MCM9: variants seen among roughly 807,000 people sequenced by gnomAD.
MCM9 encodes minichromosome maintenance 9 homologous recombination repair factor, also known as DNA helicase MCM9.
Under a neutral mutation model 72.8 loss-of-function variants are expected in MCM9, and 55 were observed. The ratio of observed to expected loss-of-function variants is 0.76; its 90% CI spans 0.61 to 0.95. MCM9 has a LOEUF of 0.95. MCM9 is among the 40% of genes least tolerant of loss of function. The pLI is 0.00. For synonymous variants in MCM9, 480 were observed against 503.4 expected, an observed-to-expected ratio of 0.95 and a Z score of 0.62; for missense variants, 1,279 against 1,377.0, an observed-to-expected ratio of 0.93 and a Z score of 1.13.
intron 10 of MCM9, 133 bp downstream of exon 10, chr6:118,828,911 TTCTG>T (rs1355528734): frequency 1.1e-6 from 1 of 900,952 alleles, no homozygotes; most frequent in East Asian, 2.7e-5. Context: ...TCTCACTGCT[TTCTG>T]TCTAAGCTTT....
intron 9 of MCM9, among the ~76,000 whole-genome samples, chr6:118,835,984 T>A (rs188101699): frequency 1.3e-5 from 2 of 152,160 alleles, no homozygotes; most frequent in African/African-American, 4.8e-5. Context: ...GGCTGTGGGT[T>A]TGTCATAAAT....
chr6:118,932,230 C>G (rs1215306563), intron 2 of MCM9, among the ~76,000 whole-genome samples: 1 of 152,182 alleles, frequency 6.6e-6, no homozygotes, highest in African/African-American at 2.4e-5. Context: ...GAGCAACAGG[C>G]TATGCCATAT....
chr6:118,903,489 C>G (rs1779945284), intron 8 of MCM9, among the ~76,000 whole-genome samples: 1 of 151,746 alleles, frequency 6.6e-6, no homozygotes, highest in African/African-American at 2.4e-5. Context: ...CTGGATAAAG[C>G]ATAGCATCTA....
In MCM9 at chr6:118,911,254, T is replaced by C. The variant is rs1019780031; in HGVS notation, c.1150+396A>G. 2.3e-5 allele frequency: 23 copies of C among 988,542 alleles called. No individual in the cohort carries two copies. In the African/African-American group the frequency reaches 4.0e-4, roughly 17 times the overall value. 61.2% of individuals were successfully genotyped at this position (988,542 alleles called of 1,614,324 possible). On this transcript the variant is annotated intron_variant, in intron 8 of 13. Transcript: ENST00000619706. Reference sequence around the variant, plus strand: ...TTTCAGTAGGAGCTACTGTTGCCTATCAGATTTATGAGCATGAAAATGCCT... The same window carrying C: ...TTTCAGTAGGAGCTACTGTTGCCTACCAGATTTATGAGCATGAAAATGCCT...
rs143001772 is a variant in MCM9, at chr6:118,905,908, C to T, written c.1150+5742G>A. Reference sequence around the variant, plus strand: ...GTTGCTATTGCAATTTCATAGTATACTATTAAAATGGCTTTGAGATAAAAT... The same window carrying T: ...GTTGCTATTGCAATTTCATAGTATATTATTAAAATGGCTTTGAGATAAAAT... On this transcript the variant is annotated intron_variant, in intron 8 of 13. Transcript: ENST00000619706. The T allele has an allele frequency of 7.9e-4, 846 of 1,068,366 alleles. 8 individuals are homozygous for T. The African/African-American group carries it at 0.012, about 16-fold the overall frequency. The allele number at this position is 1,068,366 out of a possible 1,614,324, so 66.2% of individuals were successfully genotyped here. A position where few individuals can be genotyped will look rare whatever the true frequency, so the allele number is the denominator to read the frequency against.
At chr6:118,823,614 G>A (rs1773963462) in intron 13 of MCM9, among the ~76,000 whole-genome samples, 1 of 152,128 alleles carries the variant, frequency 6.6e-6, no homozygotes, top group Non-Finnish European at 1.5e-5. Context: ...TTCCTAATAA[G>A]GATTGTAGTT....
Position 118,840,019 on chromosome 6 carries a change from A to C in MCM9, c.1326-10769T>G, listed in dbSNP as rs1284922708. On this transcript the variant is annotated intron_variant, in intron 9 of 13. Coordinates refer to ENST00000619706, the MANE Select transcript of MCM9 (RefSeq NM_017696.3). The stretch of plus-strand genomic sequence containing the variant: ...GTTTAAGCCTGCTGAAGCTGTGCCC[A>C]CAGCTGCCCCTTCCCCCAGGTGCTC... Among the ~76,000 whole-genome samples the C allele has an allele frequency of 2.0e-5, 3 of 152,164 alleles. 1 individual carries two copies. Among genetic ancestry groups the C allele is most frequent in the Non-Finnish European group, 4.4e-5 (3 of 68,016 alleles).
At chr6:118,861,283 G>C (rs1776888205) in intron 8 of MCM9, among the ~76,000 whole-genome samples, 1 of 152,240 alleles carries the variant, frequency 6.6e-6, no homozygotes, top group South Asian at 2.1e-4. Context: ...GCCCCAAAGA[G>C]GGTGTTAAAG....
At chr6:118,916,363 C>G (rs1280159438) in intron 6 of MCM9, among the ~76,000 whole-genome samples, 1 of 147,348 alleles carries the variant, frequency 6.8e-6, no homozygotes, top group Non-Finnish European at 1.5e-5. Flanking sequence ...TTTACACACA[C>G]ACACAAAAAA....
intron 1 of MCM9, among the ~76,000 whole-genome samples, chr6:118,933,075 G>C (rs1220073271): frequency 1.3e-5 from 2 of 152,128 alleles, no homozygotes; most frequent in African/African-American, 4.8e-5. Flanking sequence ...CAAATAAAAC[G>C]AAACAGTGCA....
At chr6:118,824,435 A>T (rs1313960508) in intron 13 of MCM9, among the ~76,000 whole-genome samples, 1 of 150,868 alleles carries the variant, frequency 6.6e-6, no homozygotes, top group African/African-American at 2.5e-5. Context: ...CAGCCTCCCG[A>T]GTAGCTGGAA....
intron 8 of MCM9, among the ~76,000 whole-genome samples, chr6:118,906,896 T>C (rs1232025780): frequency 6.6e-6 from 1 of 152,172 alleles, no homozygotes; most frequent in Non-Finnish European, 1.5e-5. Context: ...GTACCTTCCA[T>C]TGATCCAATT....
intron 9 of MCM9, among the ~76,000 whole-genome samples, chr6:118,846,309 T>C (rs1302892624): frequency 6.6e-6 from 1 of 151,588 alleles, no homozygotes; most frequent in Non-Finnish European, 1.5e-5. Context: ...TATATATAAA[T>C]AGAGAAATAA....
rs779115331 is a variant in MCM9 at position 118,815,253 on chromosome 6, G to A, written c.3003C>T (p.His1001=). 2.0e-5 allele frequency: 31 copies of A among 1,550,518 alleles called. No homozygotes were observed. Among genetic ancestry groups the A allele is most frequent in the African/African-American group, 8.2e-5 (6 of 72,998 alleles). The change falls in exon 14 of 14, where the codon CAC becomes CAT. Residue 1001 remains histidine, a synonymous_variant. Coordinates refer to ENST00000619706, the MANE Select transcript of MCM9 (RefSeq NM_017696.3). ...CACACATCACCTTCTCTCTTGGTCCGTGTTTCTCTGGTGGCTGCTGCGACA... is the reference window on the plus strand; with the variant it reads ...CACACATCACCTTCTCTCTTGGTCCATGTTTCTCTGGTGGCTGCTGCGACA... ...KEVSQQPPEK[H]GPREKVMCAP...
chr6:118,882,908 G>A (rs925079527), intron 8 of MCM9, among the ~76,000 whole-genome samples: 3 of 151,928 alleles, frequency 2.0e-5, no homozygotes, highest in African/African-American at 7.3e-5. Flanking sequence ...TAAAATATCC[G>A]GTTTTTAACA....
intron 13 of MCM9, among the ~76,000 whole-genome samples, chr6:118,824,133 C>A (rs1226358237): frequency 6.7e-6 from 1 of 148,464 alleles, no homozygotes; most frequent in Non-Finnish European, 1.5e-5. Flanking sequence ...CTCACTGAAA[C>A]CTCTGCCCCC....
At position 118,813,507 on chromosome 6, in the gene MCM9, T is replaced by C. The variant is rs1354946566; in HGVS notation, c.*1317A>G. 3 of 152,216 alleles carry C rather than the reference T, an allele frequency of 2.0e-5. No individual in the cohort carries two copies. Among genetic ancestry groups the C allele is most frequent in the Admixed American group, 6.5e-5 (1 of 15,274 alleles). 9.4% of individuals were successfully genotyped at this position (152,216 alleles called of 1,614,324 possible). On this transcript the variant is annotated 3_prime_UTR_variant, in exon 14 of 14. Coordinates refer to ENST00000619706, the MANE Select transcript of MCM9 (RefSeq NM_017696.3). ...GTGAATTTTAGAACGTTTAAATGCT[T>C]AAGAAAAATTGGATTTTCTAAATTT...
chr6:118,903,206 A>G (rs977788410), intron 8 of MCM9, among the ~76,000 whole-genome samples: 1 of 152,208 alleles, frequency 6.6e-6, no homozygotes, highest in Non-Finnish European at 1.5e-5. Flanking sequence ...CTGAACTATT[A>G]TATATTTCCC....
chr6:118,824,630 T>C (rs993930279), intron 13 of MCM9, among the ~76,000 whole-genome samples: 5 of 152,178 alleles, frequency 3.3e-5, no homozygotes, highest in Non-Finnish European at 4.4e-5. Flanking sequence ...TTGAGGCACA[T>C]AGAATGGCCG....
Sources: allele counts gnomAD v4.1 joint callset (sites outside exome capture counted in the v4.1 genomes callset), GRCh38; gene constraint gnomAD v4.1.1; transcripts MANE v1.5; gene names NCBI Gene and HGNC (gene_info 2026-07-23, HGNC 2026-07-21).